The following RIMKLA variants were observed in gnomAD, a reference collection of about 807,000 sequenced individuals.
RIMKLA encodes ribosomal modification protein rimK like family member A.
A neutral mutation model predicts 32.7 loss-of-function variants in RIMKLA; 14 were observed. That is an observed-to-expected ratio of 0.43 (90% CI 0.28 to 0.67). The LOEUF is 0.67. RIMKLA is among the 30% of genes least tolerant of loss of function. RIMKLA has a pLI of 0.18. For missense variants in RIMKLA, 410 were observed against 519.0 expected, an observed-to-expected ratio of 0.79 and a Z score of 2.04; for synonymous variants, 176 against 204.1, an observed-to-expected ratio of 0.86 and a Z score of 1.18.
At chr1:42,411,211 T>C (rs1643194377) in intron 4 of RIMKLA, among the ~76,000 whole-genome samples, 1 of 152,084 alleles carries the variant, frequency 6.6e-6, no homozygotes, top group Non-Finnish European at 1.5e-5. Flanking sequence ...CACATGCCTG[T>C]AGTCCCAGCT....
chr1:42,400,928 G>T (rs574697075), intron 2 of RIMKLA, among the ~76,000 whole-genome samples: 1 of 152,036 alleles, frequency 6.6e-6, no homozygotes, highest in Non-Finnish European at 1.5e-5. Flanking sequence ...GGTTAAAATG[G>T]TATATTTTAT....
At chr1:42,382,611 A>G (rs1207239983) in intron 1 of RIMKLA, among the ~76,000 whole-genome samples, 1 of 152,244 alleles carries the variant, frequency 6.6e-6, no homozygotes, top group Non-Finnish European at 1.5e-5. Flanking sequence ...GTTTGTAAAG[A>G]TGTCTCTTTT....
At chr1:42,393,829 G>A (rs760075003) in intron 1 of RIMKLA, among the ~76,000 whole-genome samples, 26 of 152,090 alleles carry the variant, frequency 1.7e-4, no homozygotes, top group Non-Finnish European at 3.5e-4. Flanking sequence ...TGTCCCCCAG[G>A]GCTGGAGTGC....
chr1:42,390,146 C>T (rs60791853), intron 1 of RIMKLA, among the ~76,000 whole-genome samples: 22,750 of 151,108 alleles, frequency 0.15, 1,810 homozygotes, highest in East Asian at 0.23. Context: ...CAAGCGATTC[C>T]CCTGCCTCAG....
intron 1 of RIMKLA, among the ~76,000 whole-genome samples, chr1:42,381,493 A>G (rs1435559511): frequency 6.6e-6 from 1 of 152,226 alleles, no homozygotes; most frequent in Non-Finnish European, 1.5e-5. Context: ...TTACAAAATT[A>G]CTATTAAGAT....
In RIMKLA at chr1:42,418,266, G is replaced by A. The variant is rs1643267897; in HGVS notation, c.*3292G>A. 1.3e-5 allele frequency: 2 copies of A among 152,186 alleles called. No homozygotes were observed. Among genetic ancestry groups the A allele is most frequent in the African/African-American group, 4.8e-5 (2 of 41,424 alleles). 9.4% of individuals were successfully genotyped at this position (152,186 alleles called of 1,614,324 possible). ...AATAGCTCAGTCACTCAGAATATAC[G>A]ATTCTGCACTTGGGAAAAATGTCTT... On this transcript the variant is annotated 3_prime_UTR_variant, in exon 5 of 5. Coordinates refer to ENST00000431473, the MANE Select transcript of RIMKLA (RefSeq NM_173642.4).
At chr1:42,410,494 G>A (rs1643188237) in intron 4 of RIMKLA, among the ~76,000 whole-genome samples, 1 of 152,182 alleles carries the variant, frequency 6.6e-6, no homozygotes, top group Admixed American at 6.5e-5. Flanking sequence ...CTGGGTAAAG[G>A]ATGGAATGAT....
At chr1:42,401,175 A>C (rs76026110) in intron 2 of RIMKLA, among the ~76,000 whole-genome samples, 26,811 of 151,962 alleles carry the variant, frequency 0.18, 2,450 homozygotes, top group East Asian at 0.22. Context: ...TAATAGGGTT[A>C]GAGATCCTAT....
At chr1:42,408,627 G>A (rs1468035016) in intron 3 of RIMKLA, among the ~76,000 whole-genome samples, 2 of 151,972 alleles carry the variant, frequency 1.3e-5, no homozygotes, top group African/African-American at 4.8e-5. Context: ...CTCCATGTTG[G>A]TCAGGCTGGT....
At chr1:42,398,991 A>AG (rs397938897) in intron 1 of RIMKLA, among the ~76,000 whole-genome samples, 1 of 134,266 alleles carries the variant, frequency 7.4e-6, no homozygotes, top group East Asian at 2.1e-4. Context: ...AAAAAAAAAA[A>AG]GGGCTATATA....
chr1:42,417,959 C>T lies in RIMKLA; in HGVS notation c.*2985C>T, dbSNP rs1231442027. ...TCAAAAAAAAAAAAAAAAAGCCACA[C>T]ATTCTTGGCATTAGCACACCAAACA... is the stretch of plus-strand genomic sequence containing the variant. On this transcript the variant is annotated 3_prime_UTR_variant, in exon 5 of 5. Transcript: ENST00000431473. The T allele has an allele frequency of 6.7e-6, 1 of 149,256 alleles. No homozygotes were observed. The highest frequency in any genetic ancestry group is 2.5e-5 in the African/African-American group (1 of 40,570). 9.2% of individuals were successfully genotyped at this position (149,256 alleles called of 1,614,324 possible).
chr1:42,398,238 A>G (rs1473892655), intron 1 of RIMKLA, among the ~76,000 whole-genome samples: 1 of 152,226 alleles, frequency 6.6e-6, no homozygotes, highest in Admixed American at 6.5e-5. Context: ...ATTCTTCTGC[A>G]CTGAAGCCCT....
intron 2 of RIMKLA, among the ~76,000 whole-genome samples, chr1:42,401,952 A>G (rs1213207561): frequency 6.6e-6 from 1 of 152,136 alleles, no homozygotes; most frequent in Non-Finnish European, 1.5e-5. Context: ...CCAGGGATGG[A>G]TTAGGAAGAC....
chr1:42,412,607 G>T (rs754814179), intron 4 of RIMKLA: 1 of 509,924 alleles, frequency 2.0e-6, no homozygotes, highest in African/African-American at 2.0e-5. Context: ...TGCCTGTGAG[G>T]TTCACAACAA....
chr1:42,384,489 A>G (rs944631797), intron 1 of RIMKLA, among the ~76,000 whole-genome samples: 10 of 147,728 alleles, frequency 6.8e-5, no homozygotes, highest in East Asian at 1.9e-4. Context: ...GTGTGTGTGT[A>G]TATATATATA....
chr1:42,394,478 C>A, intron 1 of RIMKLA, among the ~76,000 whole-genome samples: 1 of 152,112 alleles, frequency 6.6e-6, no homozygotes, highest in East Asian at 1.9e-4. Flanking sequence ...TTACTTTAAA[C>A]GAGATAATGT....
intron 2 of RIMKLA, among the ~76,000 whole-genome samples, chr1:42,402,118 A>G (rs1283411704): frequency 1.3e-5 from 2 of 152,188 alleles, no homozygotes; most frequent in Non-Finnish European, 2.9e-5. Flanking sequence ...TTCTTTTTTA[A>G]AAATCATTAG....
chr1:42,401,915 G>A (rs1643100583), intron 2 of RIMKLA, among the ~76,000 whole-genome samples: 1 of 152,196 alleles, frequency 6.6e-6, no homozygotes, highest in Non-Finnish European at 1.5e-5. Context: ...CTGGGGAGTT[G>A]AGAAAGGGCG....
rs11210626 is a variant in RIMKLA, at chr1:42,381,115, G to A, written c.163+18G>A. ...CCACCTCGGTGAGCGAGGCGGGCCC[G>A]GGGAGGGCAGGGAGGCGCGCCGGGG... On this transcript the variant is annotated intron_variant, in intron 1 of 4. Transcript: ENST00000431473. 1 of 1,243,382 alleles carries A rather than the reference G, an allele frequency of 8.0e-7. No homozygotes were observed. The highest frequency in any genetic ancestry group is 1.0e-6 in the Non-Finnish European group (1 of 991,712). The allele number at this position is 1,243,382 out of a possible 1,614,324, so 77.0% of individuals were successfully genotyped here.
Sources: allele counts gnomAD v4.1 joint callset (sites outside exome capture counted in the v4.1 genomes callset), GRCh38; gene constraint gnomAD v4.1.1; transcripts MANE v1.5; gene names NCBI Gene and HGNC (gene_info 2026-07-23, HGNC 2026-07-21).